The following TBC1D19 variants were observed in gnomAD, a reference collection of about 807,000 sequenced individuals.
TBC1D19 encodes TBC1 domain family, member 19.
TBC1D19 carries 60 observed loss-of-function variants against 89.0 expected under a neutral mutation model. The observed-to-expected ratio is 0.67, with a 90% confidence interval of 0.55 to 0.84. TBC1D19 has a LOEUF of 0.84. Ranked by LOEUF, TBC1D19 falls within the 40% of genes least tolerant of loss-of-function variation. The pLI, the probability that TBC1D19 is intolerant of heterozygous loss-of-function variation, is 0.00. For missense variants in TBC1D19, 500 were observed against 610.8 expected (o/e 0.82, Z 1.91); for synonymous variants, 189 against 199.7 (o/e 0.95, Z 0.45).
the TBC1D19 span, among the ~76,000 whole-genome samples, chr4:26,768,229 A>G: frequency 6.6e-6 from 1 of 152,194 alleles, no homozygotes; most frequent in African/African-American, 2.4e-5. Context: ...ACCAGCATTC[A>G]TGGGTAGAAT....
At chr4:26,854,680 A>G in the TBC1D19 span, among the ~76,000 whole-genome samples, 1 of 149,874 alleles carries the variant, frequency 6.7e-6, no homozygotes, top group Non-Finnish European at 1.5e-5. Context: ...ATGCTGCTTT[A>G]GGGCACAACT....
Position 26,637,254 on chromosome 4 carries a change from G to T in TBC1D19, c.338G>T (p.Cys113Phe), listed in dbSNP as rs1465974002. ...KRILKSLNSM[C>F]TELSIPLARK... ...ATTTTGAAGAGTTTAAATAGTATGT[G>T]CACTGAACTGAGTATCCCACTGGCA... The change falls in exon 5 of 21, where the codon TGC (cysteine) becomes TTC (phenylalanine). Residue 113 changes from cysteine to phenylalanine, a missense_variant. Around this residue, in one of 2 missense-constraint regions of TBC1D19, gnomAD observed 280 missense variants for 291.7 expected, o/e 0.96. Transcript: ENST00000264866. 3.1e-6 allele frequency: 5 copies of T among 1,611,156 alleles called. No individual in the cohort carries two copies. The highest frequency in any genetic ancestry group is 1.7e-4 in the Middle Eastern group (1 of 6,048).
rs1719184781 is a variant in TBC1D19 at position 26,754,930 on chromosome 4, T to C, written c.1564T>C (p.Phe522Leu). ...TATGCCTCTTCTTCAGATTTTTCTGTTTGCTACTGTCACCTGATCTTCTTC... is the reference window on the plus strand; with the variant it reads ...TATGCCTCTTCTTCAGATTTTTCTGCTTGCTACTGTCACCTGATCTTCTTC... The part of the protein sequence containing the change: ...KVMPLLQIFL[F>L]ATVT Residue 522 changes from phenylalanine to leucine, a missense_variant, in exon 21 of 21, where the codon TTT (phenylalanine) becomes CTT (leucine). By Grantham distance (22) the Phe-to-Leu change is conservative. This residue lies in a region of TBC1D19 where 220 missense variants were observed against 319.1 expected (regional missense o/e 0.69). Transcript: ENST00000264866. 1 of 1,606,608 alleles carries C rather than the reference T, an allele frequency of 6.2e-7. No homozygotes were observed. Among genetic ancestry groups the C allele is most frequent in the African/African-American group, 1.3e-5 (1 of 74,452 alleles).
chr4:26,763,857 G>A, the TBC1D19 span, among the ~76,000 whole-genome samples: 1 of 152,196 alleles, frequency 6.6e-6, no homozygotes, highest in African/African-American at 2.4e-5. Flanking sequence ...GGTGTTAGGG[G>A]AAGTCTATCA....
downstream of TBC1D19, among the ~76,000 whole-genome samples, chr4:26,759,242 A>G (rs1337030407): frequency 6.6e-6 from 1 of 152,214 alleles, no homozygotes; most frequent in Admixed American, 6.5e-5. Context: ...ATATATCTCT[A>G]GAATCTAGCA....
chr4:26,816,306 C>T, the TBC1D19 span, among the ~76,000 whole-genome samples: 1 of 152,154 alleles, frequency 6.6e-6, no homozygotes, highest in Admixed American at 6.5e-5. Flanking sequence ...TGCCTGTCTC[C>T]TCCACAAACC....
chr4:26,643,191 A>G (rs1743667811), intron 7 of TBC1D19, among the ~76,000 whole-genome samples: 1 of 152,232 alleles, frequency 6.6e-6, no homozygotes, highest in Non-Finnish European at 1.5e-5. Flanking sequence ...AGCACTCCTC[A>G]GCAAATGTAA....
the TBC1D19 span, among the ~76,000 whole-genome samples, chr4:26,822,415 AAG>A: frequency 6.6e-6 from 1 of 152,236 alleles, no homozygotes; most frequent in Non-Finnish European, 1.5e-5. Flanking sequence ...CTTCATTAAT[AAG>A]AGAGACAGGA....
At position 26,648,830 on chromosome 4, in the gene TBC1D19, A is replaced by G. The variant is rs1014462334; in HGVS notation, c.480+8643A>G. Among the ~76,000 whole-genome samples, 15 of 152,070 alleles carry G rather than the reference A, an allele frequency of 9.9e-5. 1 individual carries two copies. The highest frequency in any genetic ancestry group is 3.6e-4 in the African/African-American group (15 of 41,526). On this transcript the variant is annotated intron_variant, in intron 7 of 20. Coordinates refer to ENST00000264866, the MANE Select transcript of TBC1D19 (RefSeq NM_018317.4). Reference sequence around the variant, plus strand: ...AGCTGAAACTTTATGTAATTTTTATATTCTTATTCTTATTCTTATTATGTT... The same window carrying G: ...AGCTGAAACTTTATGTAATTTTTATGTTCTTATTCTTATTCTTATTATGTT...
chr4:26,851,307 A>ATCTATCTATCTATCTATCTATCTGTCTG, the TBC1D19 span, among the ~76,000 whole-genome samples: 34 of 45,462 alleles, frequency 7.5e-4, no homozygotes, highest in East Asian at 4.3e-3. Flanking sequence ...TAAATACCCT[A>ATCTATCTATCTATCTATCTATCTGTCTG]TCTATCTATC....
intron 1 of TBC1D19, among the ~76,000 whole-genome samples, chr4:26,593,435 A>T (rs886755425): frequency 1.3e-5 from 2 of 152,232 alleles, no homozygotes; most frequent in African/African-American, 4.8e-5. Context: ...ATGGGCAAGG[A>T]CTTCATGTCT....
chr4:26,787,270 T>A, the TBC1D19 span, among the ~76,000 whole-genome samples: 1 of 151,932 alleles, frequency 6.6e-6, no homozygotes, highest in South Asian at 2.1e-4. Context: ...TCTGGCTAAT[T>A]TTTTGTATTT....
the TBC1D19 span, among the ~76,000 whole-genome samples, chr4:26,786,721 G>A: frequency 6.8e-6 from 1 of 146,616 alleles, no homozygotes; most frequent in Non-Finnish European, 1.5e-5. Flanking sequence ...GAACAGGTGG[G>A]TGGATAGGTG....
At chr4:26,595,890 T>C (rs900132585) in intron 1 of TBC1D19, among the ~76,000 whole-genome samples, 16 of 152,322 alleles carry the variant, frequency 1.1e-4, no homozygotes, top group Non-Finnish European at 2.4e-4. Context: ...TGGTGTGAAT[T>C]CTCCAACTTT....
In TBC1D19 at chr4:26,650,870, T is replaced by C. The variant is rs182998938; in HGVS notation, c.481-8727T>C. ...AGGTCTCACATTTAAGTCTTTATAA[T>C]CCATCTTGAATTAATTTTTATATAA... is the stretch of plus-strand genomic sequence containing the variant. On this transcript the variant is annotated intron_variant, in intron 7 of 20. Coordinates refer to ENST00000264866, the MANE Select transcript of TBC1D19 (RefSeq NM_018317.4). Among the ~76,000 whole-genome samples the C allele has an allele frequency of 1.1e-3, 161 of 152,324 alleles. 1 individual carries two copies. The highest frequency in any genetic ancestry group is 3.4e-3 in the Middle Eastern group (1 of 294).
intron 1 of TBC1D19, among the ~76,000 whole-genome samples, chr4:26,594,732 A>T (rs1034146335): frequency 6.6e-6 from 1 of 152,152 alleles, no homozygotes; most frequent in Non-Finnish European, 1.5e-5. Context: ...TTCAGGGCTC[A>T]GTTCTTTGGA....
chr4:26,709,948 C>T (rs924322860), intron 13 of TBC1D19, among the ~76,000 whole-genome samples: 1 of 151,968 alleles, frequency 6.6e-6, no homozygotes, highest in Non-Finnish European at 1.5e-5. Context: ...TATCAGGACC[C>T]CAAGCCAGGG....
intron 1 of TBC1D19, among the ~76,000 whole-genome samples, chr4:26,602,762 C>T (rs1225972764): frequency 2.0e-5 from 3 of 151,656 alleles, no homozygotes; most frequent in Admixed American, 2.0e-4. Context: ...TTATTTTCCA[C>T]CACACACTGA....
the TBC1D19 span, among the ~76,000 whole-genome samples, chr4:26,820,250 A>G: frequency 7.6e-6 from 1 of 131,044 alleles, no homozygotes; most frequent in East Asian, 2.2e-4. Context: ...CATGCAGTAC[A>G]AGAGATCACT....
Sources: gnomAD v4.1 joint callset for allele counts (sites outside exome capture counted in the v4.1 genomes callset) on GRCh38, gnomAD v4.1.1 for gene constraint, gnomAD v4.1.1 regional missense constraint, MANE v1.5 for transcripts, NCBI Gene and HGNC (gene_info 2026-07-23, HGNC 2026-07-21) for gene names.